Variants in SOX6 observed in about 807,000 individuals in gnomAD.
SOX6 encodes SRY-box transcription factor 6.
In SOX6, 11 loss-of-function variants were observed where a neutral mutation model predicts 97.8. The observed-to-expected ratio is 0.11, with a 90% confidence interval of 0.07 to 0.19. The LOEUF is 0.19. Among genes scored for constraint, SOX6 ranks in the 10% least tolerant of loss-of-function variants. The pLI is 1.00. For missense variants in SOX6, 810 were observed against 1,039.5 expected (o/e 0.78, Z 3.04); for synonymous variants, 360 against 371.4 (o/e 0.97, Z 0.35).
intron 4 of SOX6, among the ~76,000 whole-genome samples, chr11:16,517,710 T>A (rs1195844348): frequency 6.6e-6 from 1 of 152,182 alleles, no homozygotes; most frequent in Admixed American, 6.6e-5. Context: ...CAAGAAAATA[T>A]AACTGTCACT....
chr11:16,005,979 C>T (rs960687987), intron 13 of SOX6, among the ~76,000 whole-genome samples: 1 of 151,784 alleles, frequency 6.6e-6, no homozygotes, highest in Non-Finnish European at 1.5e-5. Flanking sequence ...AAAAAAAACC[C>T]GCACTCCTAA....
At chr11:16,403,909 G>A (rs1429957549) in intron 1 of SOX6, among the ~76,000 whole-genome samples, 3 of 151,646 alleles carry the variant, frequency 2.0e-5, no homozygotes, top group Non-Finnish European at 4.4e-5. Context: ...AGGATAACCT[G>A]GAGAACAAGA....
chr11:16,051,576 C>T (rs989547144), intron 10 of SOX6, among the ~76,000 whole-genome samples: 1 of 152,082 alleles, frequency 6.6e-6, no homozygotes, highest in Non-Finnish European at 1.5e-5. Flanking sequence ...TCAAAATTAT[C>T]TTATGTAGTT....
intron 1 of SOX6, among the ~76,000 whole-genome samples, chr11:16,405,307 T>C (rs1293792757): frequency 6.6e-6 from 1 of 151,962 alleles, no homozygotes; most frequent in Non-Finnish European, 1.5e-5. Context: ...AATTAGCATG[T>C]TGTACATTGT....
chr11:16,191,226 G>C (rs945802874), intron 4 of SOX6, among the ~76,000 whole-genome samples: 6 of 152,134 alleles, frequency 3.9e-5, no homozygotes, highest in African/African-American at 1.4e-4. Context: ...AGGCCGAGGT[G>C]GGGGGATCGC....
rs1465929682 is a variant in SOX6, at chr11:16,607,321, G to A, written n.609+4760C>T. ...CTGGCTCTGCCTCCCTCGCTCTCGAGATCGCTCGCTCCGTCCCGGTTACCT... is the reference window on the plus strand; with the variant it reads ...CTGGCTCTGCCTCCCTCGCTCTCGAAATCGCTCGCTCCGTCCCGGTTACCT... On this transcript the variant is annotated intron_variant and non_coding_transcript_variant, in intron 4 of 5. Coordinates refer to the SOX6 transcript ENST00000524520. The surrounding 1 kb of genome is among the most constrained non-coding windows in gnomAD (Gnocchi z 6.5). 6.5e-6 allele frequency: 1 copy of A among 152,808 alleles called. No homozygotes were observed. Among genetic ancestry groups the A allele is most frequent in the Non-Finnish European group, 1.5e-5 (1 of 68,518 alleles). The allele number at this position is 152,808 out of a possible 1,614,324, so 9.5% of individuals were successfully genotyped here. A position where few individuals can be genotyped will look rare whatever the true frequency, so the allele number is the denominator to read the frequency against.
At chr11:16,336,730 A>T (rs2134333170) in intron 2 of SOX6, among the ~76,000 whole-genome samples, 1 of 152,268 alleles carries the variant, frequency 6.6e-6, no homozygotes, top group African/African-American at 2.4e-5. Flanking sequence ...GAGACTCCAT[A>T]ATATCTGTAA....
chr11:16,526,664 A>AATC (rs1565172442), intron 4 of SOX6, among the ~76,000 whole-genome samples: 1 of 152,012 alleles, frequency 6.6e-6, no homozygotes, highest in African/African-American at 2.4e-5. Flanking sequence ...AAATAAAGTA[A>AATC]ATCTCTCTCC....
chr11:16,438,712 A>T (rs1321749256), intron 1 of SOX6, among the ~76,000 whole-genome samples: 3 of 151,936 alleles, frequency 2.0e-5, no homozygotes, highest in African/African-American at 7.3e-5. Flanking sequence ...TGAAAAAAAA[A>T]AAAGAAGAAA....
chr11:15,994,634 C>A (rs1398477545), intron 13 of SOX6, among the ~76,000 whole-genome samples: 1 of 151,766 alleles, frequency 6.6e-6, no homozygotes, highest in Non-Finnish European at 1.5e-5. Context: ...TCAATGATTA[C>A]CAGTGAATTG....
chr11:16,100,817 A>T (rs1848926544), intron 7 of SOX6, among the ~76,000 whole-genome samples: 1 of 151,566 alleles, frequency 6.6e-6, no homozygotes, highest in African/African-American at 2.4e-5. Context: ...CATTCTTCAG[A>T]AAGACAAAGG....
chr11:16,640,359 G>T (rs1382233479), intron 3 of SOX6, among the ~76,000 whole-genome samples: 6 of 152,184 alleles, frequency 3.9e-5, no homozygotes, highest in Admixed American at 2.0e-4. Context: ...AGGGATATTG[G>T]TCTAAAATTC....
At chr11:16,572,869 G>T (rs537757002) in intron 4 of SOX6, among the ~76,000 whole-genome samples, 1 of 152,134 alleles carries the variant, frequency 6.6e-6, no homozygotes, top group Non-Finnish European at 1.5e-5. Context: ...GAAATAAAAG[G>T]TAATAGAATT....
chr11:16,356,969 G>A (rs1857092607), upstream of SOX6, among the ~76,000 whole-genome samples: 1 of 152,082 alleles, frequency 6.6e-6, no homozygotes, highest in Non-Finnish European at 1.5e-5. Flanking sequence ...AGAGAAGTCT[G>A]AAAGACAAGC....
At chr11:16,089,648 A>G (rs1250504998) in intron 9 of SOX6, among the ~76,000 whole-genome samples, 1 of 152,090 alleles carries the variant, frequency 6.6e-6, no homozygotes, top group Admixed American at 6.6e-5. Context: ...CTCTTCTACA[A>G]ATAAAACAGA....
Position 16,648,164 on chromosome 11 carries a change from T to C in SOX6, n.430-35904A>G, listed in dbSNP as rs139525554. 2.0e-3 allele frequency among the ~76,000 whole-genome samples: 300 copies of C among 151,988 alleles called. 2 individuals are homozygous for C. The highest frequency in any genetic ancestry group is 7.0e-3 in the African/African-American group (290 of 41,424). On this transcript the variant is annotated intron_variant and non_coding_transcript_variant, in intron 3 of 5. Coordinates refer to the SOX6 transcript ENST00000524520. Reference sequence around the variant, plus strand: ...GGGTAGCTCATGGCCTGGGGTAAGGTTTCAGCATGGCACCATGGAGCAAGA... The same window carrying C: ...GGGTAGCTCATGGCCTGGGGTAAGGCTTCAGCATGGCACCATGGAGCAAGA...
chr11:16,444,255 T>C (rs2133089051), intron 1 of SOX6, among the ~76,000 whole-genome samples: 1 of 152,298 alleles, frequency 6.6e-6, no homozygotes, highest in South Asian at 2.1e-4. Context: ...ATGTCTGTGG[T>C]TCTGCCAACA....
intron 3 of SOX6, among the ~76,000 whole-genome samples, chr11:16,282,719 AT>A (rs1854603147): frequency 6.6e-6 from 1 of 151,372 alleles, no homozygotes; most frequent in Non-Finnish European, 1.5e-5. Flanking sequence ...ATAGGTATGA[AT>A]TTGGAGGTTA....
At chr11:16,536,526 G>A (rs541618835) in intron 4 of SOX6, among the ~76,000 whole-genome samples, 1 of 152,290 alleles carries the variant, frequency 6.6e-6, no homozygotes, top group South Asian at 2.1e-4. Context: ...AGCACAAGGG[G>A]TCGGGGATCT....
Sources: gnomAD v4.1 joint callset for allele counts (sites outside exome capture counted in the v4.1 genomes callset) on GRCh38, gnomAD v4.1.1 for gene constraint, Gnocchi (gnomAD v3.1) non-coding constraint, MANE v1.5 for transcripts, NCBI Gene and HGNC (gene_info 2026-07-23, HGNC 2026-07-21) for gene names.